CNTNAP2: variants seen among roughly 807,000 people sequenced by gnomAD.
CNTNAP2 encodes the protein contactin associated protein 2.
In CNTNAP2, 98 loss-of-function variants were observed where a neutral mutation model predicts 155.2. The ratio of observed to expected loss-of-function variants is 0.63; its 90% confidence interval spans 0.54 to 0.75. The LOEUF (loss-of-function observed/expected upper bound fraction) is 0.75, where lower values mean the gene tolerates loss of function less well. Ranked by LOEUF, CNTNAP2 falls within the 30% of genes least tolerant of loss-of-function variation. The pLI is 0.00. For missense variants in CNTNAP2, 1,727 were observed against 1,688.1 expected (o/e 1.02, Z -0.40); for synonymous variants, 651 against 631.2 (o/e 1.03, Z -0.47).
chr7:148,035,065 G>A (rs1202897637), intron 15 of CNTNAP2, among the ~76,000 whole-genome samples: 1 of 152,150 alleles, frequency 6.6e-6, no homozygotes, highest in Non-Finnish European at 1.5e-5. Flanking sequence ...TATTGAAGGA[G>A]TTGCATGGTT....
At chr7:146,800,864 A>G (rs1802864044) in intron 2 of CNTNAP2, among the ~76,000 whole-genome samples, 1 of 152,062 alleles carries the variant, frequency 6.6e-6, no homozygotes, top group South Asian at 2.1e-4. Context: ...GTGAGCAAAG[A>G]AGGTGTCAGG....
intron 1 of CNTNAP2, among the ~76,000 whole-genome samples, chr7:146,505,434 T>C (rs76601790): frequency 0.066 from 10,006 of 152,212 alleles, 806 homozygotes; most frequent in African/African-American, 0.19. Flanking sequence ...CTGCCCTGGG[T>C]GATGGTACCA....
chr7:148,021,829 C>T (rs1430094568), intron 15 of CNTNAP2, among the ~76,000 whole-genome samples: 1 of 152,196 alleles, frequency 6.6e-6, no homozygotes, highest in Non-Finnish European at 1.5e-5. Context: ...TGCTCCAAAG[C>T]TGTACCGAGT....
intron 9 of CNTNAP2, among the ~76,000 whole-genome samples, chr7:147,365,396 A>AC (rs1796212676): frequency 7.7e-6 from 1 of 129,484 alleles, no homozygotes; most frequent in East Asian, 1.9e-4. Context: ...AAAAAAAAAA[A>AC]AAAAAAAAAA....
Position 146,332,941 on chromosome 7 carries a change from A to ATTT in CNTNAP2, c.97+215989_97+215991dup, listed in dbSNP as rs4016094. Among the ~76,000 whole-genome samples, 294 of 102,442 alleles carry ATTT rather than the reference A, an allele frequency of 2.9e-3. 4 individuals are homozygous for ATTT. The highest frequency in any genetic ancestry group is 5.2e-3 in the African/African-American group (145 of 27,966). 67.2% of individuals were successfully genotyped at this position (102,442 alleles called of 152,430 possible). ...AATTTCTTCTTCTTTTTCTTCTTCT[A>ATTT]TTTTTTTTTTTTTTTTTTTTTTTGA... On this transcript the variant is annotated intron_variant, in intron 1 of 23. Coordinates refer to ENST00000361727, the MANE Select transcript of CNTNAP2 (RefSeq NM_014141.6).
chr7:148,120,037 A>T (rs183510393), intron 16 of CNTNAP2, among the ~76,000 whole-genome samples: 43 of 151,792 alleles, frequency 2.8e-4, no homozygotes, highest in Non-Finnish European at 4.7e-4. Flanking sequence ...ACTTCTACAT[A>T]AGTTGGATCA....
rs1362298823 is a variant in CNTNAP2, at chr7:148,331,106, G to C, written c.3476-52543G>C. On this transcript the variant is annotated intron_variant, in intron 21 of 23. Coordinates refer to ENST00000361727, the MANE Select transcript of CNTNAP2 (RefSeq NM_014141.6). ...ATGGAGTGGACGGATGGAATGGACA[G>C]ATGGAGTCAATGGATGGGATGGGTG... is the stretch of plus-strand genomic sequence containing the variant. Among the ~76,000 whole-genome samples, 27 of 149,514 alleles carry C rather than the reference G, an allele frequency of 1.8e-4. 1 individual carries two copies. Among genetic ancestry groups the C allele is most frequent in the African/African-American group, 6.7e-4 (27 of 40,256 alleles).
chr7:146,538,029 A>T (rs928639767), intron 1 of CNTNAP2, among the ~76,000 whole-genome samples: 12 of 152,124 alleles, frequency 7.9e-5, no homozygotes, highest in African/African-American at 2.9e-4. Context: ...TTGAAAATAG[A>T]TGGTGAGTCA....
intron 13 of CNTNAP2, among the ~76,000 whole-genome samples, chr7:147,735,089 C>T (rs1796817755): frequency 1.3e-5 from 2 of 151,306 alleles, no homozygotes; most frequent in South Asian, 2.1e-4. Flanking sequence ...GCTCTTGCTT[C>T]TCTAGTTCTT....
intron 1 of CNTNAP2, among the ~76,000 whole-genome samples, chr7:146,524,205 A>G (rs1797655914): frequency 6.6e-6 from 1 of 152,146 alleles, no homozygotes; most frequent in South Asian, 2.1e-4. Context: ...AGAGCTCTTA[A>G]AAAGTTGCTA....
At chr7:146,316,660 C>T (rs1175553676) in intron 1 of CNTNAP2, among the ~76,000 whole-genome samples, 1 of 152,100 alleles carries the variant, frequency 6.6e-6, no homozygotes, top group Admixed American at 6.5e-5. Flanking sequence ...ACTTAACATA[C>T]GTCCATAAGA....
intron 1 of CNTNAP2, among the ~76,000 whole-genome samples, chr7:146,463,206 T>C (rs1293715953): frequency 6.6e-6 from 1 of 152,186 alleles, no homozygotes; most frequent in Admixed American, 6.5e-5. Flanking sequence ...TCTTGCTCAA[T>C]TCTTCCTGTC....
intron 16 of CNTNAP2, among the ~76,000 whole-genome samples, chr7:148,135,303 A>G (rs922664019): frequency 2.0e-5 from 3 of 152,168 alleles, no homozygotes; most frequent in Non-Finnish European, 4.4e-5. Flanking sequence ...AAATGGGAGC[A>G]CAGATTTTGA....
At chr7:148,225,008 T>A (rs1414551742) in intron 19 of CNTNAP2, among the ~76,000 whole-genome samples, 3 of 152,174 alleles carry the variant, frequency 2.0e-5, no homozygotes, top group Non-Finnish European at 1.5e-5. Context: ...TAAGATGACA[T>A]TTGGATAGGG....
chr7:147,030,006 A>G (rs1798998061), intron 3 of CNTNAP2, among the ~76,000 whole-genome samples: 1 of 152,208 alleles, frequency 6.6e-6, no homozygotes, highest in Admixed American at 6.5e-5. Flanking sequence ...AATACTTAAC[A>G]AATACCTGCG....
At chr7:147,852,060 G>A (rs76628069) in intron 13 of CNTNAP2, among the ~76,000 whole-genome samples, 2,705 of 152,168 alleles carry the variant, frequency 0.018, 52 homozygotes, top group Non-Finnish European at 0.029. Flanking sequence ...TCTATATTGC[G>A]ACCTTAATTT....
At chr7:147,001,017 C>T (rs1798411948) in intron 3 of CNTNAP2, among the ~76,000 whole-genome samples, 1 of 152,022 alleles carries the variant, frequency 6.6e-6, no homozygotes, top group South Asian at 2.1e-4. Flanking sequence ...TGTGGTGGGC[C>T]TGGTATTTGT....
At chr7:146,650,920 T>G (rs1276019328) in intron 1 of CNTNAP2, among the ~76,000 whole-genome samples, 1 of 152,116 alleles carries the variant, frequency 6.6e-6, no homozygotes, top group Admixed American at 6.6e-5. Context: ...TTCAGGAGGC[T>G]GAGGTGTGAG....
intron 10 of CNTNAP2, among the ~76,000 whole-genome samples, chr7:147,406,892 C>T (rs1797013682): frequency 6.6e-6 from 1 of 152,166 alleles, no homozygotes; most frequent in African/African-American, 2.4e-5. Flanking sequence ...GGTAAAACCA[C>T]TAAGTACCAT....
Sources: gnomAD v4.1 joint callset for allele counts (sites outside exome capture counted in the v4.1 genomes callset) on GRCh38, gnomAD v4.1.1 for gene constraint, MANE v1.5 for transcripts, NCBI Gene and HGNC (gene_info 2026-07-23, HGNC 2026-07-21) for gene names.